The following DAPK3 variants were observed in gnomAD, a reference collection of about 807,000 sequenced individuals.
DAPK3 encodes the protein death-associated protein kinase 3.
A neutral mutation model predicts 30.6 loss-of-function variants in DAPK3; 24 were observed. The observed-to-expected ratio is 0.78, with a 90% CI of 0.57 to 1.10. DAPK3 has a LOEUF of 1.10. Among genes scored for constraint, DAPK3 ranks in the 50% least tolerant of loss-of-function variants. The pLI, the probability that DAPK3 is intolerant of heterozygous loss-of-function variation, is 0.00. For missense variants in DAPK3, 629 were observed against 657.3 expected (o/e 0.96, Z 0.47); for synonymous variants, 341 against 284.0 (o/e 1.20, Z -2.02).
chr19:3,962,040 G>C (rs1045388610), intron 6 of DAPK3, among the ~76,000 whole-genome samples: 17 of 152,112 alleles, frequency 1.1e-4, no homozygotes, highest in African/African-American at 4.1e-4. Context: ...TGTATTTTTA[G>C]TAGAGACATG....
At position 3,969,659 on chromosome 19, in the gene DAPK3, G is replaced by A. The variant is rs373824365; in HGVS notation, c.62+15C>T. ...TCCTATCCCTGGAGCCCAGCCGTGC[G>A]GGCAGACAGCTCACCTGCCCAGCTC... On this transcript the variant is annotated intron_variant, in intron 2 of 8. Transcript: ENST00000545797. 1.7e-5 allele frequency: 26 copies of A among 1,575,728 alleles called. No individual in the cohort carries two copies. Among genetic ancestry groups the A allele is most frequent in the Non-Finnish European group, 2.0e-5 (23 of 1,146,356 alleles).
At chr19:3,967,427 C>T (rs1568194086) in intron 2 of DAPK3, among the ~76,000 whole-genome samples, 2 of 149,040 alleles carry the variant, frequency 1.3e-5, no homozygotes, top group African/African-American at 2.5e-5. Flanking sequence ...CACTCCAGCC[C>T]GGGCGACACT....
chr19:3,963,991 T>A lies in DAPK3; in HGVS notation c.554-72A>T. On this transcript the variant is annotated intron_variant, in intron 4 of 8. Transcript: ENST00000545797. ...AAGGAAGAGGCTCAAGACACAGGCATGGGGTCAAGGTTCTCACATGTCGCA... is the reference window on the plus strand; with the variant it reads ...AAGGAAGAGGCTCAAGACACAGGCAAGGGGTCAAGGTTCTCACATGTCGCA... The A allele has an allele frequency of 5.7e-6, 6 of 1,044,892 alleles. 2 individuals are homozygous for A. The Middle Eastern group carries it at 1.2e-3, about 212-fold the overall frequency. 64.7% of individuals were successfully genotyped at this position (1,044,892 alleles called of 1,614,324 possible).
At position 3,960,385 on chromosome 19, in the gene DAPK3, CCAGAA is replaced by C. The variant is rs71339087; in HGVS notation, c.783-286_783-282del. Among the ~76,000 whole-genome samples the C allele has an allele frequency of 5.5e-3, 834 of 152,174 alleles. 9 individuals carry two copies. The highest frequency in any genetic ancestry group is 0.017 in the Middle Eastern group (5 of 294). On this transcript the variant is annotated intron_variant, in intron 7 of 8. Transcript: ENST00000545797. ...GCCTACGAGTGAGGGCTCAGCACTG[CCAGAA>C]TTCTAAGTGTTTACAGGAAAACAAG... is the stretch of plus-strand genomic sequence containing the variant.
intron 8 of DAPK3, 137 bp from the exon 9 acceptor site, chr19:3,959,774 C>T: frequency 1.9e-6 from 2 of 1,038,416 alleles, no homozygotes; most frequent in South Asian, 1.7e-5. Context: ...CTGCCCAGCC[C>T]GACGCAAAGC....
Position 3,959,600 on chromosome 19 carries a change from C to A in DAPK3, c.866G>T (p.Gly289Val), listed in dbSNP as rs763980607. The change falls in exon 9 of 9, where the codon GGC becomes GTC. Residue 289 changes from glycine to valine, a missense_variant. By Grantham distance (109) the Gly-to-Val change is moderately radical. This residue lies in a region of DAPK3 where 323 missense variants were observed against 278.8 expected (regional missense o/e 1.16). Transcript: ENST00000545797. The stretch of plus-strand genomic sequence containing the variant: ...CAGGCGCCGCCGCTCGGGCTTGCGG[C>A]CGCTGTCCTCACCACGCACGTTCCG... ...RRRNVRGEDS[G>V]RKPERRRLKT... is the part of the protein sequence containing the mutation. 6.3e-7 allele frequency: 1 copy of A among 1,587,974 alleles called. No homozygotes were observed. Among genetic ancestry groups the A allele is most frequent in the Non-Finnish European group, 8.5e-7 (1 of 1,175,810 alleles).
chr19:3,959,726 G>A, intron 8 of DAPK3, 89 bp from the exon 9 acceptor site: 2 of 1,374,718 alleles, frequency 1.5e-6, no homozygotes, highest in African/African-American at 1.4e-5. Flanking sequence ...AGGTTCAGGG[G>A]CTCATCCGGC....
chr19:3,959,923 G>C (rs890578727), intron 8 of DAPK3, 136 bp downstream of exon 8: 2 of 721,500 alleles, frequency 2.8e-6, no homozygotes, highest in African/African-American at 3.6e-5. Flanking sequence ...CGCCACACAG[G>C]CTCACTCCTC....
chr19:3,961,516 G>A (rs1441860495), intron 6 of DAPK3: 1 of 526,682 alleles, frequency 1.9e-6, no homozygotes, highest in Non-Finnish European at 3.9e-6. Context: ...TTAGCCAAAG[G>A]ATCAAGGTCA....
Position 3,960,956 on chromosome 19 carries a change from G to A in DAPK3, c.782+53C>T, listed in dbSNP as rs373244755. The A allele has an allele frequency of 6.7e-4, 1,060 of 1,591,718 alleles. 22 individuals are homozygous for A. In the South Asian group the frequency reaches 0.011, roughly 17 times the overall value. ...GAGTCCTCTGGAGCCTCCGTGGGTG[G>A]AGTGGGCCTGTGTCCCATGTCCCAC... On this transcript the variant is annotated intron_variant, in intron 7 of 8. Coordinates refer to ENST00000545797, the MANE Select transcript of DAPK3 (RefSeq NM_001348.3).
At position 3,959,304 on chromosome 19, in the gene DAPK3, T is replaced by C; in HGVS notation, c.1162A>G (p.Thr388Ala). 1 of 1,595,748 alleles carries C rather than the reference T, an allele frequency of 6.3e-7. No homozygotes were observed. The highest frequency in any genetic ancestry group is 8.5e-7 in the Non-Finnish European group (1 of 1,177,952). Residue 388 changes from threonine to alanine, a missense_variant, in exon 9 of 9, where the codon ACC (threonine) becomes GCC (alanine). Transcript: ENST00000545797. Reference sequence around the variant, plus strand: ...TGCGCCTGCCGCTTGAGCGCCTCGGTCTTGAGCAGCTCCTGCCGTAGCCTC... The same window carrying C: ...TGCGCCTGCCGCTTGAGCGCCTCGGCCTTGAGCAGCTCCTGCCGTAGCCTC... ...LRRLRQELLKTEALKRQAQEE... is the reference protein window; with the variant it reads ...LRRLRQELLKAEALKRQAQEE...
chr19:3,969,776 A>T lies in DAPK3; in HGVS notation c.-41T>A. On this transcript the variant is annotated 5_prime_UTR_variant, in exon 2 of 9. Coordinates refer to ENST00000545797, the MANE Select transcript of DAPK3 (RefSeq NM_001348.3). ...TTCCAGCAGCTTCCACTCCAGGGAA[A>T]GTGCAGTCACCGCAGCCTGGAGATA... The T allele has an allele frequency of 6.6e-7, 1 of 1,508,212 alleles. No individual in the cohort carries two copies. The highest frequency in any genetic ancestry group is 9.2e-7 in the Non-Finnish European group (1 of 1,086,948). The allele number at this position is 1,508,212 out of a possible 1,614,324, so 93.4% of individuals were successfully genotyped here.
chr19:3,963,869 A>G lies in DAPK3; in HGVS notation c.602+2T>C. 1 of 1,585,872 alleles carries G rather than the reference A, an allele frequency of 6.3e-7. No individual in the cohort carries two copies. The highest frequency in any genetic ancestry group is 8.6e-7 in the Non-Finnish European group (1 of 1,156,642). On this transcript the variant is annotated splice_donor_variant, in intron 5 of 8. Transcript: ENST00000545797. LOFTEE classifies it high-confidence loss of function. ...CCCGGTGGGAGCAGGTGGTACACTC[A>G]CCACATGTCCGCCTCCAGGCCCAGC...
chr19:3,960,001 AC>A, intron 8 of DAPK3, 57 bp downstream of exon 8: 5 of 944,120 alleles, frequency 5.3e-6, no homozygotes, highest in Non-Finnish European at 8.8e-6. Flanking sequence ...GCCCCCCGGG[AC>A]CCCAGCGAGA....
At chr19:3,964,518 C>T (rs1354040545) in intron 3 of DAPK3, 113 bp downstream of exon 3, 4 of 1,344,834 alleles carry the variant, frequency 3.0e-6, no homozygotes, top group Non-Finnish European at 4.0e-6. Context: ...ACCTCACCCC[C>T]ACGCTCCCCA....
Position 3,960,891 on chromosome 19 carries a change from A to G in DAPK3, c.782+118T>C, listed in dbSNP as rs73921803. ...CTCTCTCCAGCCCAAGGGGTAAGCA[A>G]TGTCTGATCCCCAGCCGCAGGGAGG... On this transcript the variant is annotated intron_variant, in intron 7 of 8. Coordinates refer to ENST00000545797, the MANE Select transcript of DAPK3 (RefSeq NM_001348.3). 9.3e-3 allele frequency: 10,097 copies of G among 1,087,628 alleles called. 282 individuals are homozygous for G. Among genetic ancestry groups the G allele is most frequent in the African/African-American group, 0.087 (5,569 of 64,298 alleles). 67.4% of individuals were successfully genotyped at this position (1,087,628 alleles called of 1,614,324 possible).
At chr19:3,967,753 TCAAA>T (rs755787012) in intron 2 of DAPK3, among the ~76,000 whole-genome samples, 31 of 152,136 alleles carry the variant, frequency 2.0e-4, no homozygotes, top group Non-Finnish European at 3.2e-4. Context: ...AGACACCGTC[TCAAA>T]CAAACAAACA....
chr19:3,960,129 G>C, intron 7 of DAPK3, 25 bp from the exon 8 acceptor site: 3 of 1,379,472 alleles, frequency 2.2e-6, no homozygotes, highest in Non-Finnish European at 3.1e-6. Flanking sequence ...CTCTGGTTAG[G>C]TACACCTGCA....
chr19:3,969,194 G>A (rs1236030297), intron 2 of DAPK3, among the ~76,000 whole-genome samples: 1 of 151,970 alleles, frequency 6.6e-6, no homozygotes, highest in African/African-American at 2.4e-5. Flanking sequence ...ACAGTGCAGT[G>A]GCACGATCAT....
Sources: gnomAD v4.1 joint callset for allele counts (sites outside exome capture counted in the v4.1 genomes callset) on GRCh38, gnomAD v4.1.1 for gene constraint, gnomAD v4.1.1 regional missense constraint, MANE v1.5 for transcripts, NCBI Gene and HGNC (gene_info 2026-07-23, HGNC 2026-07-21) for gene names.